Variants in DLG2 observed in about 807,000 individuals in gnomAD.
DLG2 encodes disks large homolog 2.
A neutral mutation model predicts 132.5 loss-of-function variants in DLG2; 45 were observed. The observed-to-expected ratio is 0.34, with a 90% CI of 0.27 to 0.44. DLG2 has a LOEUF of 0.44. Ranked by LOEUF, DLG2 falls within the 20% of genes least tolerant of loss-of-function variation. The probability of loss-of-function intolerance (pLI) is 1.00; values close to 1 mark genes in which losing one functional copy is unlikely to be tolerated. For missense variants in DLG2, 1,045 were observed against 1,196.9 expected, an observed-to-expected ratio of 0.87 and a Z score of 1.87; for synonymous variants, 424 against 419.6, an observed-to-expected ratio of 1.01 and a Z score of -0.13.
intron 12 of DLG2, among the ~76,000 whole-genome samples, chr11:83,971,322 A>C (rs1231741301): frequency 6.6e-6 from 1 of 152,028 alleles, no homozygotes; most frequent in East Asian, 1.9e-4. Context: ...GAGAGGCTGG[A>C]GGTGAGATGA....
intron 19 of DLG2, among the ~76,000 whole-genome samples, chr11:83,622,579 CA>C (rs763570575): frequency 6.6e-6 from 1 of 152,178 alleles, no homozygotes; most frequent in Non-Finnish European, 1.5e-5. Context: ...GCTTTTGTTG[CA>C]TCCCAGAGAT....
At chr11:84,068,886 G>C (rs986398944) in intron 10 of DLG2, among the ~76,000 whole-genome samples, 3 of 152,128 alleles carry the variant, frequency 2.0e-5, no homozygotes, top group Non-Finnish European at 4.4e-5. Flanking sequence ...TGTAATGACA[G>C]GTAAATGATG....
At chr11:83,567,856 T>C (rs571621107) in intron 19 of DLG2, among the ~76,000 whole-genome samples, 23 of 152,150 alleles carry the variant, frequency 1.5e-4, no homozygotes, top group African/African-American at 4.8e-4. Flanking sequence ...ATAAGGATCA[T>C]ACAAAGCAAT....
intron 8 of DLG2, among the ~76,000 whole-genome samples, chr11:84,184,667 T>A (rs12797922): frequency 4.6e-5 from 7 of 152,164 alleles, no homozygotes; most frequent in East Asian, 1.9e-4. Context: ...CTGAATGGTA[T>A]TGCCTAGGTT....
chr11:84,210,315 T>A (rs1235472358), intron 8 of DLG2, among the ~76,000 whole-genome samples: 2 of 145,552 alleles, frequency 1.4e-5, no homozygotes, highest in African/African-American at 5.1e-5. Flanking sequence ...AATTAAAACA[T>A]ATGTCCACAA....
intron 6 of DLG2, among the ~76,000 whole-genome samples, chr11:84,544,576 A>G (rs968094126): frequency 3.9e-5 from 6 of 152,220 alleles, no homozygotes; most frequent in African/African-American, 1.4e-4. Context: ...AAGTGCATGA[A>G]TTCTGGCATT....
At chr11:84,605,756 T>C (rs977229815) in intron 6 of DLG2, among the ~76,000 whole-genome samples, 5 of 152,042 alleles carry the variant, frequency 3.3e-5, no homozygotes, top group Non-Finnish European at 5.9e-5. Context: ...TGCCTAAAAT[T>C]TACCTTTCTA....
intron 6 of DLG2, among the ~76,000 whole-genome samples, chr11:84,544,878 C>T (rs574799933): frequency 5.7e-4 from 87 of 152,270 alleles, no homozygotes; most frequent in African/African-American, 2.0e-3. Context: ...GAATTTTTCA[C>T]ACAGCAAAAA....
At position 83,684,890 on chromosome 11, in the gene DLG2, C is replaced by T. The variant is rs117908373; in HGVS notation, c.1826-51565G>A. 7.0e-4 allele frequency among the ~76,000 whole-genome samples: 107 copies of T among 152,122 alleles called. No individual in the cohort carries two copies. In the East Asian group the frequency reaches 0.014, roughly 19 times the overall value. Reference sequence around the variant, plus strand: ...GTAGCATTTCTCTGTTCCCCTGTCACGAATAATCATAATTTTATACATATT... The same window carrying T: ...GTAGCATTTCTCTGTTCCCCTGTCATGAATAATCATAATTTTATACATATT... On this transcript the variant is annotated intron_variant, in intron 18 of 27. Transcript: ENST00000376104.
Position 84,525,537 on chromosome 11 carries a change from C to G in DLG2, c.519+9033G>C, listed in dbSNP as rs574689936. ...CTTCCCTTCAACCCCAATACCTCTG[C>G]TTTACATCAAAGCTTATCTATCTTT... On this transcript the variant is annotated intron_variant, in intron 7 of 27. Transcript: ENST00000376104. Among the ~76,000 whole-genome samples the G allele has an allele frequency of 1.2e-4, 19 of 152,290 alleles. No individual in the cohort carries two copies. The South Asian group carries it at 3.5e-3, about 28-fold the overall frequency.
At chr11:85,120,739 G>T (rs1283630527) in intron 5 of DLG2, among the ~76,000 whole-genome samples, 3 of 151,914 alleles carry the variant, frequency 2.0e-5, no homozygotes, top group South Asian at 2.1e-4. Context: ...ATTCTTGCTG[G>T]CATAGATAAT....
intron 8 of DLG2, among the ~76,000 whole-genome samples, chr11:84,185,146 A>G (rs1339524123): frequency 1.3e-5 from 2 of 152,048 alleles, no homozygotes; most frequent in Non-Finnish European, 2.9e-5. Context: ...CATTGAATCT[A>G]TAAATTACCC....
intron 7 of DLG2, among the ~76,000 whole-genome samples, chr11:84,417,393 G>A (rs2098933496): frequency 6.6e-6 from 1 of 152,156 alleles, no homozygotes; most frequent in Admixed American, 6.5e-5. Flanking sequence ...CATATTAAGT[G>A]CTCAATACAT....
intron 19 of DLG2, among the ~76,000 whole-genome samples, chr11:83,622,238 T>C (rs1369496162): frequency 1.3e-5 from 2 of 152,208 alleles, no homozygotes; most frequent in East Asian, 3.9e-4. Context: ...TTGCTATTAA[T>C]TTGTGAACAA....
intron 6 of DLG2, among the ~76,000 whole-genome samples, chr11:84,748,244 GCCC>G (rs373787974): frequency 2.6e-5 from 4 of 152,206 alleles, no homozygotes; most frequent in African/African-American, 9.6e-5. Context: ...ATCTGCTGAG[GCCC>G]CCAACATGCC....
intron 7 of DLG2, among the ~76,000 whole-genome samples, chr11:84,507,555 C>T (rs1481460899): frequency 1.3e-5 from 2 of 152,168 alleles, no homozygotes; most frequent in South Asian, 2.1e-4. Context: ...TTCCAATTCA[C>T]AAGGGGAATG....
intron 5 of DLG2, among the ~76,000 whole-genome samples, chr11:85,118,709 G>A (rs1038542615): frequency 8.6e-5 from 13 of 151,944 alleles, no homozygotes; most frequent in Non-Finnish European, 1.9e-4. Flanking sequence ...AGATAGTAGA[G>A]GAGAGAGTTT....
At chr11:83,783,311 C>T (rs1249093310) in intron 18 of DLG2, among the ~76,000 whole-genome samples, 1 of 152,068 alleles carries the variant, frequency 6.6e-6, no homozygotes, top group East Asian at 1.9e-4. Context: ...TGTGATCTCG[C>T]TTTGTAAAGT....
At chr11:84,893,449 A>T (rs911076942) in intron 6 of DLG2, among the ~76,000 whole-genome samples, 6 of 152,196 alleles carry the variant, frequency 3.9e-5, no homozygotes, top group African/African-American at 1.4e-4. Flanking sequence ...GTGAGTCATG[A>T]GACAGTGCAG....
Sources: allele counts gnomAD v4.1 joint callset (sites outside exome capture counted in the v4.1 genomes callset), GRCh38; gene constraint gnomAD v4.1.1; transcripts MANE v1.5; gene names NCBI Gene and HGNC (gene_info 2026-07-23, HGNC 2026-07-21).